SLCO6A1: variants seen among roughly 807,000 people sequenced by gnomAD.
SLCO6A1 encodes the protein solute carrier organic anion transporter family member 6A1, also known as cancer/testis antigen 48.
In SLCO6A1, 65 loss-of-function variants were observed where a neutral mutation model predicts 72.7. The observed-to-expected ratio is 0.89, with a 90% CI of 0.73 to 1.10. The LOEUF is 1.10. Ranked by LOEUF, SLCO6A1 falls within the 50% of genes least tolerant of loss-of-function variation. SLCO6A1 has a pLI of 0.00. For missense variants in SLCO6A1, 874 were observed against 872.6 expected, an observed-to-expected ratio of 1.00 and a Z score of -0.02; for synonymous variants, 314 against 298.2, an observed-to-expected ratio of 1.05 and a Z score of -0.55.
At chr5:102,488,105 ATATGTTCCCC>A (rs1403584029) in intron 1 of SLCO6A1, among the ~76,000 whole-genome samples, 2 of 152,236 alleles carry the variant, frequency 1.3e-5, no homozygotes, top group Admixed American at 6.5e-5. Flanking sequence ...TAAGTAGTAA[ATATGTTCCCC>A]TACAATAAGG....
At chr5:102,399,863 G>A (rs1338729763) in intron 9 of SLCO6A1, 121 bp from the exon 10 acceptor site, 1 of 627,602 alleles carries the variant, frequency 1.6e-6, no homozygotes, top group Non-Finnish European at 2.5e-6. Context: ...ATTTCAAAAT[G>A]TCTTTATATT....
chr5:102,381,905 T>A (rs1245778177), intron 12 of SLCO6A1, among the ~76,000 whole-genome samples: 1 of 151,634 alleles, frequency 6.6e-6, no homozygotes, highest in Non-Finnish European at 1.5e-5. Flanking sequence ...GTTCATTTTT[T>A]AATCAGGTTA....
chr5:102,460,923 TATATATATATATATATATA>T lies in SLCO6A1; in HGVS notation c.900-1165_900-1147del, dbSNP rs1750999146. On this transcript the variant is annotated intron_variant, in intron 4 of 13. Transcript: ENST00000506729. ...TCATATATATATATATATATATATA[TATATATATATATATATATA>T]TATATATATATATCTGCATATGCTA... Among the ~76,000 whole-genome samples the T allele has an allele frequency of 6.8e-4, 8 of 11,692 alleles. No homozygotes were observed. In the East Asian group the frequency reaches 0.014, roughly 20 times the overall value. The allele number at this position is 11,692 out of a possible 152,430, so 7.7% of individuals were successfully genotyped here. A position where few individuals can be genotyped will look rare whatever the true frequency, so the allele number is the denominator to read the frequency against.
chr5:102,450,903 CTT>C (rs1240750553), intron 6 of SLCO6A1, among the ~76,000 whole-genome samples: 1 of 152,210 alleles, frequency 6.6e-6, no homozygotes, highest in Non-Finnish European at 1.5e-5. Context: ...CCCTTTATCT[CTT>C]TGCCAGCCTA....
chr5:102,373,263 A>G, intron 13 of SLCO6A1, 74 bp downstream of exon 13: 1 of 941,166 alleles, frequency 1.1e-6, no homozygotes, highest in Non-Finnish European at 1.4e-6. Flanking sequence ...TTAAACATGT[A>G]ATTACATTAT....
intron 4 of SLCO6A1, among the ~76,000 whole-genome samples, chr5:102,462,864 T>C (rs1401287786): frequency 1.3e-5 from 2 of 152,162 alleles, no homozygotes; most frequent in Non-Finnish European, 2.9e-5. Flanking sequence ...GATGTTGGCT[T>C]AGGCAAAGAG....
rs750192501 is a variant in SLCO6A1 at position 102,399,678 on chromosome 5, A to G, written c.1691T>C (p.Ile564Thr). ...ATCACATTTCCCGGGTCTGGCATCA[A>G]TAAAATCACCTTCTGCATCTGCAGT... The part of the protein sequence containing the change: ...LITADAEGDF[I>T]DARPGKCDAK... Residue 564 changes from isoleucine to threonine, a missense_variant, in exon 10 of 14, where the codon ATT becomes ACT. Physicochemically the swap from Ile to Thr is moderately conservative, Grantham distance 89 (BLOSUM62 -1). Transcript: ENST00000506729. 2 of 1,609,402 alleles carry G rather than the reference A, an allele frequency of 1.2e-6. No homozygotes were observed. Among genetic ancestry groups the G allele is most frequent in the Non-Finnish European group, 1.7e-6 (2 of 1,176,910 alleles).
chr5:102,425,398 A>G (rs151133591), intron 7 of SLCO6A1, among the ~76,000 whole-genome samples: 22 of 152,324 alleles, frequency 1.4e-4, no homozygotes, highest in African/African-American at 5.3e-4. Flanking sequence ...AATCTCCTTA[A>G]GAGGATAAGA....
intron 7 of SLCO6A1, among the ~76,000 whole-genome samples, chr5:102,431,047 A>G (rs150490724): frequency 1.9e-3 from 289 of 152,154 alleles, no homozygotes; most frequent in African/African-American, 6.5e-3. Flanking sequence ...CCAGGAATTT[A>G]TTCATTTTTT....
At chr5:102,413,187 T>C (rs756263530) in intron 8 of SLCO6A1, 44 bp from the exon 9 acceptor site, 3 of 1,486,982 alleles carry the variant, frequency 2.0e-6, no homozygotes, top group African/African-American at 2.9e-5. Context: ...CATTGTTTTA[T>C]AATTATTGAT....
chr5:102,391,103 T>C, intron 10 of SLCO6A1, 58 bp from the exon 11 acceptor site: 3 of 1,446,200 alleles, frequency 2.1e-6, no homozygotes, highest in Non-Finnish European at 1.9e-6. Flanking sequence ...ACTAAGAATG[T>C]ATGCTAGATT....
At chr5:102,476,261 T>C (rs1751895479) in intron 3 of SLCO6A1, among the ~76,000 whole-genome samples, 1 of 151,986 alleles carries the variant, frequency 6.6e-6, no homozygotes, top group Non-Finnish European at 1.5e-5. Flanking sequence ...AACAAAGACA[T>C]AGAGAACAGA....
chr5:102,438,810 A>G, intron 6 of SLCO6A1, 49 bp from the exon 7 acceptor site: 1 of 1,342,652 alleles, frequency 7.4e-7, no homozygotes. Context: ...TGTTAGATAA[A>G]GAGGAATAGA....
intron 10 of SLCO6A1, among the ~76,000 whole-genome samples, chr5:102,399,328 T>C (rs963392409): frequency 1.3e-5 from 2 of 152,088 alleles, no homozygotes; most frequent in African/African-American, 4.8e-5. Flanking sequence ...GTAAATACAT[T>C]GTTTTAAATT....
chr5:102,406,289 T>C (rs1248270717), intron 9 of SLCO6A1, among the ~76,000 whole-genome samples: 1 of 151,868 alleles, frequency 6.6e-6, no homozygotes, highest in Non-Finnish European at 1.5e-5. Flanking sequence ...AAATACACCA[T>C]AAAAATAGCA....
intron 7 of SLCO6A1, among the ~76,000 whole-genome samples, chr5:102,426,846 T>C (rs1748919912): frequency 6.6e-6 from 1 of 152,170 alleles, no homozygotes; most frequent in Non-Finnish European, 1.5e-5. Flanking sequence ...CTATTTACAA[T>C]AGCAAAGGCT....
chr5:102,419,567 T>C (rs1485809096), intron 8 of SLCO6A1, among the ~76,000 whole-genome samples: 1 of 152,232 alleles, frequency 6.6e-6, no homozygotes, highest in Non-Finnish European at 1.5e-5. Flanking sequence ...CAAAACTTTA[T>C]TTATAGGTTC....
intron 1 of SLCO6A1, 28 bp downstream of exon 1, chr5:102,498,459 C>T (rs780823891): frequency 6.3e-7 from 1 of 1,594,158 alleles, no homozygotes; most frequent in East Asian, 2.2e-5. Flanking sequence ...CTGCCCTCGC[C>T]ACAACAAACC....
intron 7 of SLCO6A1, 62 bp from the exon 8 acceptor site, chr5:102,420,083 T>A (rs1748510378): frequency 2.3e-6 from 3 of 1,280,844 alleles, no homozygotes. Context: ...AGATAATACA[T>A]ACATTGATAC....
Sources: allele counts gnomAD v4.1 joint callset (sites outside exome capture counted in the v4.1 genomes callset), GRCh38; gene constraint gnomAD v4.1.1; transcripts MANE v1.5; gene names NCBI Gene and HGNC (gene_info 2026-07-23, HGNC 2026-07-21).